The following TECPR2 variants were observed in gnomAD, a reference collection of about 807,000 sequenced individuals.
TECPR2 encodes the protein tectonin beta-propeller repeat-containing protein 2.
TECPR2 carries 65 observed loss-of-function variants against 138.1 expected under a neutral mutation model. The ratio of observed to expected loss-of-function variants is 0.47; its 90% CI spans 0.39 to 0.58. The LOEUF (loss-of-function observed/expected upper bound fraction) is 0.58. Among genes scored for constraint, TECPR2 ranks in the 20% least tolerant of loss-of-function variants. The probability of loss-of-function intolerance (pLI) is 0.00; values close to 1 mark genes in which losing one functional copy is unlikely to be tolerated. For missense variants in TECPR2, 1,553 were observed against 1,824.5 expected, an observed-to-expected ratio of 0.85 and a Z score of 2.71; for synonymous variants, 746 against 749.8, an observed-to-expected ratio of 0.99 and a Z score of 0.08.
chr14:102,368,274 G>T (rs1042858944), intron 1 of TECPR2, among the ~76,000 whole-genome samples: 5 of 152,098 alleles, frequency 3.3e-5, no homozygotes, highest in Admixed American at 3.3e-4. Context: ...CTCCCAAAGT[G>T]CTGGGATTAC....
At chr14:102,487,846 G>GCA (rs1567362300) in intron 17 of TECPR2, among the ~76,000 whole-genome samples, 3 of 129,416 alleles carry the variant, frequency 2.3e-5, no homozygotes. Context: ...CGGCCTGTTT[G>GCA]TTTTTTTTTT....
In TECPR2 at chr14:102,425,263, G is replaced by A. The variant is rs1889285670; in HGVS notation, c.923G>A (p.Ser308Asn). Residue 308 changes from serine to asparagine, a missense_variant, in exon 6 of 20, where the codon AGT becomes AAT. Coordinates refer to ENST00000359520, the MANE Select transcript of TECPR2 (RefSeq NM_014844.5). ...TGGGTGCTGAGTTGGAATGAATATA[G>A]TATCTATCTCCTAGACACAGTCAAC... ...EGWVLSWNEYSIYLLDTVNQA... is the reference protein window; with the variant it reads ...EGWVLSWNEYNIYLLDTVNQA... 6.2e-7 allele frequency: 1 copy of A among 1,607,026 alleles called. No individual in the cohort carries two copies. Among genetic ancestry groups the A allele is most frequent in the South Asian group, 1.1e-5 (1 of 90,166 alleles).
intron 16 of TECPR2, among the ~76,000 whole-genome samples, chr14:102,454,525 A>C (rs926424335): frequency 7.2e-5 from 11 of 151,768 alleles, no homozygotes; most frequent in East Asian, 1.9e-4. Flanking sequence ...TTTTGAGAAC[A>C]CCCGCCTCTC....
chr14:102,490,760 C>T (rs1891140181), intron 17 of TECPR2, among the ~76,000 whole-genome samples: 2 of 152,238 alleles, frequency 1.3e-5, no homozygotes, highest in Admixed American at 1.3e-4. Flanking sequence ...CCTGTACCAC[C>T]AGCCCCTGGC....
intron 2 of TECPR2, among the ~76,000 whole-genome samples, chr14:102,392,919 A>G (rs1017366797): frequency 6.6e-6 from 1 of 152,160 alleles, no homozygotes; most frequent in Non-Finnish European, 1.5e-5. Flanking sequence ...CTTCGGAAAG[A>G]TTCTTTTTTA....
At chr14:102,433,222 C>T (rs181071318) in intron 8 of TECPR2, among the ~76,000 whole-genome samples, 70 of 151,230 alleles carry the variant, frequency 4.6e-4, no homozygotes, top group African/African-American at 1.6e-3. Context: ...ACAGGGGGTC[C>T]ATGCGCAGGT....
In TECPR2 at chr14:102,419,353, T is replaced by C. The variant is rs1340108378; in HGVS notation, c.638+4560T>C. Among the ~76,000 whole-genome samples, 1 of 152,048 alleles carries C rather than the reference T, an allele frequency of 6.6e-6. No homozygotes were observed. The highest frequency in any genetic ancestry group is 2.1e-4 in the South Asian group (1 of 4,822). ...GGAGAGCTTTTAGGAGGAGTGTTTTTGTAGAAGAGAACAAAGAAAGACAAA... is the reference window on the plus strand; with the variant it reads ...GGAGAGCTTTTAGGAGGAGTGTTTTCGTAGAAGAGAACAAAGAAAGACAAA... On this transcript the variant is annotated intron_variant, in intron 5 of 19. Transcript: ENST00000359520. This position sits in a 1 kb window ranked among gnomAD's most constrained non-coding sequence, Gnocchi z 4.8.
At chr14:102,436,889 G>A (rs993536822) in intron 9 of TECPR2, 7 of 710,540 alleles carry the variant, frequency 9.9e-6, no homozygotes, top group South Asian at 6.3e-5. Flanking sequence ...ATGTCTGGGC[G>A]TTAGCCAGGC....
At chr14:102,462,226 T>G (rs1257419321) in intron 16 of TECPR2, among the ~76,000 whole-genome samples, 1 of 152,224 alleles carries the variant, frequency 6.6e-6, no homozygotes, top group African/African-American at 2.4e-5. Flanking sequence ...GGTTGAAGAC[T>G]CTAATGTAAA....
chr14:102,455,361 G>A (rs1198130462), intron 16 of TECPR2, among the ~76,000 whole-genome samples: 1 of 152,212 alleles, frequency 6.6e-6, no homozygotes, highest in East Asian at 1.9e-4. Context: ...GAGGTGTGGG[G>A]ACTCATGGCA....
intron 17 of TECPR2, among the ~76,000 whole-genome samples, chr14:102,495,550 G>A (rs1347498435): frequency 2.0e-5 from 3 of 152,204 alleles, no homozygotes; most frequent in African/African-American, 7.2e-5. Flanking sequence ...TGCAAAGCAG[G>A]GCTGGGTGGG....
rs913542939 is a variant in TECPR2, at chr14:102,481,758, G to A, written c.3790-15221G>A. Among the ~76,000 whole-genome samples the A allele has an allele frequency of 3.3e-5, 5 of 152,320 alleles. No homozygotes were observed. In the South Asian group the frequency reaches 1.0e-3, roughly 32 times the overall value. On this transcript the variant is annotated intron_variant, in intron 17 of 19. Coordinates refer to ENST00000359520, the MANE Select transcript of TECPR2 (RefSeq NM_014844.5). ...TTTTCGCTGCCTGTCTCTGAATGCT[G>A]CTTCGGGAGCTGTGTTTGGTCCCCT... is the stretch of plus-strand genomic sequence containing the variant.
At chr14:102,438,470 T>TC in intron 10 of TECPR2, 1 of 389,138 alleles carries the variant, frequency 2.6e-6, no homozygotes. Flanking sequence ...AATGGTAAGC[T>TC]CTGATCGTAT....
In TECPR2 at chr14:102,450,600, T is replaced by G; in HGVS notation, c.3357T>G (p.Ser1119=). Residue 1119 remains serine, a synonymous_variant, in exon 15 of 20, where the codon TCT becomes TCG. Coordinates refer to ENST00000359520, the MANE Select transcript of TECPR2 (RefSeq NM_014844.5). ...WNHVVPRGTA[S]ATKWAFVLAS... The stretch of plus-strand genomic sequence containing the variant: ...ATGTGGTTCCCCGTGGGACAGCTTC[T>G]GCTACAAAATGGGCCTTTGTGTTGG... 1 of 1,614,232 alleles carries G rather than the reference T, an allele frequency of 6.2e-7. No homozygotes were observed. The highest frequency in any genetic ancestry group is 8.5e-7 in the Non-Finnish European group (1 of 1,180,026).
chr14:102,467,484 C>G (rs2139773897), intron 17 of TECPR2, among the ~76,000 whole-genome samples: 1 of 151,974 alleles, frequency 6.6e-6, no homozygotes, highest in African/African-American at 2.4e-5. Context: ...ACCACCATGC[C>G]CAGGTGATTT....
At chr14:102,412,243 C>A (rs983498332) in intron 4 of TECPR2, among the ~76,000 whole-genome samples, 1 of 151,694 alleles carries the variant, frequency 6.6e-6, no homozygotes, top group Non-Finnish European at 1.5e-5. Flanking sequence ...GTGATTCCCC[C>A]ACCTTGGCCT....
intron 1 of TECPR2, among the ~76,000 whole-genome samples, chr14:102,375,474 A>T (rs1887620211): frequency 6.6e-6 from 1 of 152,202 alleles, no homozygotes; most frequent in Admixed American, 6.5e-5. Context: ...AAGGAGGAAG[A>T]GCTCAGTAGA....
chr14:102,490,967 T>A (rs1423431202), intron 17 of TECPR2, among the ~76,000 whole-genome samples: 1 of 152,150 alleles, frequency 6.6e-6, no homozygotes, highest in Non-Finnish European at 1.5e-5. Flanking sequence ...CGATCTCAGC[T>A]CTCTGCAACC....
intron 16 of TECPR2, among the ~76,000 whole-genome samples, chr14:102,457,180 G>A (rs1347454073): frequency 6.6e-6 from 1 of 152,046 alleles, no homozygotes; most frequent in African/African-American, 2.4e-5. Flanking sequence ...CGCCTCCTGG[G>A]TTCAAGTGAT....
Sources: gnomAD v4.1 joint callset for allele counts (sites outside exome capture counted in the v4.1 genomes callset) on GRCh38, gnomAD v4.1.1 for gene constraint, Gnocchi (gnomAD v3.1) non-coding constraint, MANE v1.5 for transcripts, NCBI Gene and HGNC (gene_info 2026-07-23, HGNC 2026-07-21) for gene names.